GALNT14: variants seen among roughly 807,000 people sequenced by gnomAD.
GALNT14 encodes polypeptide N-acetylgalactosaminyltransferase 14.
A neutral mutation model predicts 77.5 loss-of-function variants in GALNT14; 60 were observed. That is an observed-to-expected ratio of 0.77 (90% CI 0.63 to 0.96). The LOEUF is 0.96. GALNT14 is among the 40% of genes least tolerant of loss of function. GALNT14 has a pLI of 0.00. For missense variants in GALNT14, 710 were observed against 731.0 expected (o/e 0.97, Z 0.33); for synonymous variants, 280 against 281.7 (o/e 0.99, Z 0.06).
chr2:31,050,152 G>C (rs1027348817), intron 1 of GALNT14, among the ~76,000 whole-genome samples: 2 of 152,166 alleles, frequency 1.3e-5, no homozygotes, highest in African/African-American at 4.8e-5. Flanking sequence ...CTGTGGGCCA[G>C]CATGACTACT....
At chr2:31,003,130 C>T (rs1670468632) in intron 1 of GALNT14, among the ~76,000 whole-genome samples, 1 of 152,094 alleles carries the variant, frequency 6.6e-6, no homozygotes, top group Admixed American at 6.6e-5. Flanking sequence ...GTGGGGGTTT[C>T]TCTCCTTCTC....
rs76275590 is a variant in GALNT14 at position 31,084,697 on chromosome 2, C to T, written c.129+53261G>A. Among the ~76,000 whole-genome samples the T allele has an allele frequency of 1.7e-4, 26 of 152,270 alleles. 2 individuals are homozygous for T. In the East Asian group the frequency reaches 4.4e-3, roughly 26 times the overall value. The stretch of plus-strand genomic sequence containing the variant: ...CCTGAACCTCAGTCGCTTCATCTAA[C>T]CTGGCTCACCCACAGCTGGTGTGAA... On this transcript the variant is annotated intron_variant, in intron 1 of 14. Coordinates refer to ENST00000349752, the MANE Select transcript of GALNT14 (RefSeq NM_024572.4).
chr2:30,947,565 T>C (rs1558431763), intron 6 of GALNT14, among the ~76,000 whole-genome samples: 1 of 152,178 alleles, frequency 6.6e-6, no homozygotes, highest in Non-Finnish European at 1.5e-5. Flanking sequence ...GTCAAAGAGC[T>C]GTGAACACCG....
chr2:30,971,455 C>G (rs1256341975), intron 2 of GALNT14, among the ~76,000 whole-genome samples: 1 of 152,086 alleles, frequency 6.6e-6, no homozygotes, highest in African/African-American at 2.4e-5. Context: ...ATCCCGGGAT[C>G]TCTATACGTG....
At chr2:30,942,527 G>A (rs541352898) in intron 8 of GALNT14, among the ~76,000 whole-genome samples, 11 of 152,174 alleles carry the variant, frequency 7.2e-5, no homozygotes, top group Non-Finnish European at 1.6e-4. Flanking sequence ...TTTTTCCTGT[G>A]ATTGTAAATC....
At chr2:30,909,197 A>G (rs1287065074), downstream of GALNT14, among the ~76,000 whole-genome samples, 1 of 150,750 alleles carries the variant, frequency 6.6e-6, no homozygotes, top group Non-Finnish European at 1.5e-5. Flanking sequence ...ACAAAAGCCA[A>G]AATTGACAAA....
chr2:31,080,911 G>A (rs1676118388), intron 1 of GALNT14, among the ~76,000 whole-genome samples: 1 of 152,170 alleles, frequency 6.6e-6, no homozygotes. Context: ...AATATATGTG[G>A]CCACGTTCTA....
intron 1 of GALNT14, among the ~76,000 whole-genome samples, chr2:31,087,425 G>A (rs1676484897): frequency 6.6e-6 from 1 of 151,944 alleles, no homozygotes; most frequent in African/African-American, 2.4e-5. Flanking sequence ...TCCAAATTCT[G>A]AAAAGTTAGG....
chr2:30,920,112 T>C (rs911444299), intron 13 of GALNT14, among the ~76,000 whole-genome samples: 1 of 152,162 alleles, frequency 6.6e-6, no homozygotes, highest in Admixed American at 6.5e-5. Flanking sequence ...CTGATTACAC[T>C]TGTCTAAAAG....
chr2:30,904,335 G>A, the GALNT14 span, among the ~76,000 whole-genome samples: 3 of 152,212 alleles, frequency 2.0e-5, no homozygotes, highest in East Asian at 1.9e-4. Flanking sequence ...GACAGTGGGC[G>A]CAGGTCAGTG....
intron 1 of GALNT14, among the ~76,000 whole-genome samples, chr2:31,131,137 C>T (rs1678972928): frequency 6.6e-6 from 1 of 152,142 alleles, no homozygotes; most frequent in Non-Finnish European, 1.5e-5. Context: ...CTGGCACTGC[C>T]AGTGGCCACA....
chr2:30,918,147 T>C (rs750411614), intron 13 of GALNT14, among the ~76,000 whole-genome samples: 5 of 152,192 alleles, frequency 3.3e-5, no homozygotes, highest in Non-Finnish European at 7.3e-5. Context: ...GAACCCACTT[T>C]TGGGGTCTTT....
At chr2:31,036,233 T>C (rs938912749) in intron 1 of GALNT14, among the ~76,000 whole-genome samples, 2 of 152,230 alleles carry the variant, frequency 1.3e-5, no homozygotes, top group Non-Finnish European at 2.9e-5. Flanking sequence ...TGCCTTCTTT[T>C]ATGTTAAATG....
chr2:30,946,305 C>T (rs947089361), intron 6 of GALNT14, among the ~76,000 whole-genome samples: 2 of 152,090 alleles, frequency 1.3e-5, no homozygotes, highest in African/African-American at 4.8e-5. Context: ...AATTGCAGTC[C>T]CCAGTGTTGG....
chr2:31,052,459 C>T (rs899003111), intron 1 of GALNT14, among the ~76,000 whole-genome samples: 2 of 152,168 alleles, frequency 1.3e-5, no homozygotes, highest in Admixed American at 6.5e-5. Flanking sequence ...TGATACCACC[C>T]GCACTCAGGA....
chr2:30,964,073 G>A (rs756255686), intron 3 of GALNT14, among the ~76,000 whole-genome samples: 6 of 152,346 alleles, frequency 3.9e-5, no homozygotes, highest in Non-Finnish European at 8.8e-5. Context: ...TGGGGTGCAT[G>A]TGTGTGATGG....
chr2:31,107,983 C>T lies in GALNT14; in HGVS notation c.129+29975G>A, dbSNP rs138958266. On this transcript the variant is annotated intron_variant, in intron 1 of 14. Coordinates refer to ENST00000349752, the MANE Select transcript of GALNT14 (RefSeq NM_024572.4). ...CTCTCACCACCTCCCCAGCAACCCA[C>T]ACACTCACGCTGAAACACACAGCAG... 4.7e-4 allele frequency among the ~76,000 whole-genome samples: 72 copies of T among 152,298 alleles called. 1 individual carries two copies. In the East Asian group the frequency reaches 7.1e-3, roughly 15 times the overall value.
At chr2:30,988,591 C>T (rs1669466820) in intron 2 of GALNT14, among the ~76,000 whole-genome samples, 2 of 151,934 alleles carry the variant, frequency 1.3e-5, no homozygotes, top group Admixed American at 1.3e-4. Context: ...GAGGTGGTGG[C>T]CTTATTGCAG....
intron 6 of GALNT14, among the ~76,000 whole-genome samples, chr2:30,948,261 C>T (rs1666821575): frequency 6.6e-6 from 1 of 152,208 alleles, no homozygotes; most frequent in African/African-American, 2.4e-5. Context: ...TTCTGTGACT[C>T]TTATGCAATA....
Sources: gnomAD v4.1 joint callset for allele counts (sites outside exome capture counted in the v4.1 genomes callset) on GRCh38, gnomAD v4.1.1 for gene constraint, MANE v1.5 for transcripts, NCBI Gene and HGNC (gene_info 2026-07-23, HGNC 2026-07-21) for gene names.